Variants in AFAP1 observed in about 807,000 individuals in gnomAD.
AFAP1 encodes actin filament associated protein 1.
A neutral mutation model predicts 93.9 loss-of-function variants in AFAP1; 75 were observed. The observed-to-expected ratio is 0.80, with a 90% CI of 0.66 to 0.97. The LOEUF (loss-of-function observed/expected upper bound fraction) is 0.97. Ranked by LOEUF, AFAP1 falls within the 50% of genes least tolerant of loss-of-function variation. AFAP1 has a pLI of 0.00. For synonymous variants in AFAP1, 517 were observed against 430.7 expected (o/e 1.20, Z -2.48); for missense variants, 1,201 against 1,050.8 (o/e 1.14, Z -1.98).
intron 10 of AFAP1, 50 bp downstream of exon 10, chr4:7,800,392 A>C: frequency 1.9e-6 from 3 of 1,585,248 alleles, no homozygotes; most frequent in Non-Finnish European, 2.6e-6. Flanking sequence ...TGAAAGGAAG[A>C]TCACCGCGTG....
chr4:7,786,244 G>T lies in AFAP1; in HGVS notation c.1480C>A (p.Pro494Thr). The T allele has an allele frequency of 6.2e-7, 1 of 1,614,140 alleles. No individual in the cohort carries two copies. The highest frequency in any genetic ancestry group is 1.3e-5 in the African/African-American group (1 of 75,022). The stretch of plus-strand genomic sequence containing the variant: ...TCATAATGAAGTGCCGTCCCGCTGG[G>T]GTGGGCATAGCCGTTGGAGGTGCCC... ...LGGTSNGYAHPSGTALHYDDV... is the reference protein window; with the variant it reads ...LGGTSNGYAHTSGTALHYDDV... The change falls in exon 12 of 18, where the codon CCC (proline) becomes ACC (threonine). Residue 494 changes from proline to threonine, a missense_variant. Transcript: ENST00000420658.
intron 10 of AFAP1, among the ~76,000 whole-genome samples, chr4:7,800,109 AAGCAATGT>A (rs1391100398): frequency 6.6e-6 from 1 of 152,198 alleles, no homozygotes; most frequent in East Asian, 1.9e-4. Context: ...TGCTTTAGAA[AAGCAATGT>A]ACTCTATGGG....
At position 7,774,808 on chromosome 4, in the gene AFAP1, G is replaced by A. The variant is rs1445959640; in HGVS notation, c.1993C>T (p.Leu665=). 6.2e-7 allele frequency: 1 copy of A among 1,614,192 alleles called. No individual in the cohort carries two copies. Among genetic ancestry groups the A allele is most frequent in the South Asian group, 1.1e-5 (1 of 91,086 alleles). ...EEELLKRKEA[L]RNRLAQLRKE... is the part of the protein sequence containing the mutation. ...CGGAGCTGGGCCAGCCTATTCCGCA[G>A]GGCCTCTTTCCTCTTCAGCAGCTCC... The change falls in exon 15 of 18, where the codon CTG becomes TTG. Residue 665 remains leucine (L), a synonymous_variant. Transcript: ENST00000420658.
At position 7,809,771 on chromosome 4, in the gene AFAP1, G is replaced by C. The variant is rs1719849707; in HGVS notation, c.905-8C>G. The stretch of plus-strand genomic sequence containing the variant: ...AACTTTTCTTCCTCTTCACTGTCAA[G>C]AGTAACAACAGCAAAAAAGCATGTT... On this transcript the variant is annotated splice_polypyrimidine_tract_variant and splice_region_variant and intron_variant, in intron 8 of 17. Coordinates refer to ENST00000420658, the MANE Select transcript of AFAP1 (RefSeq NM_001134647.2). 6.2e-7 allele frequency: 1 copy of C among 1,602,538 alleles called. No homozygotes were observed. Among genetic ancestry groups the C allele is most frequent in the African/African-American group, 1.4e-5 (1 of 73,996 alleles).
chr4:7,794,755 G>A (rs1197674700), intron 10 of AFAP1, among the ~76,000 whole-genome samples: 2 of 151,966 alleles, frequency 1.3e-5, no homozygotes, highest in Non-Finnish European at 2.9e-5. Context: ...TGAACTCCCA[G>A]GCTCAAGCGA....
intron 7 of AFAP1, 53 bp from the exon 8 acceptor site, chr4:7,816,152 G>A: frequency 6.8e-7 from 1 of 1,463,132 alleles, no homozygotes; most frequent in Non-Finnish European, 9.4e-7. Context: ...TGGACCCAGT[G>A]ATGTGTGATG....
chr4:7,833,939 C>T (rs986023668), intron 6 of AFAP1, among the ~76,000 whole-genome samples: 1 of 152,008 alleles, frequency 6.6e-6, no homozygotes, highest in African/African-American at 2.4e-5. Flanking sequence ...ATCAGGCAAT[C>T]CCACTACTGG....
At chr4:7,932,134 G>A (rs974472018) in intron 1 of AFAP1, among the ~76,000 whole-genome samples, 1 of 152,104 alleles carries the variant, frequency 6.6e-6, no homozygotes, top group Admixed American at 6.5e-5. Context: ...TTGGATTACA[G>A]GTGTGAGCCA....
chr4:7,884,558 T>C (rs1718036083), intron 1 of AFAP1, among the ~76,000 whole-genome samples: 2 of 152,146 alleles, frequency 1.3e-5, no homozygotes, highest in Non-Finnish European at 2.9e-5. Context: ...AGTCCAGTAA[T>C]AGACCCAAAT....
At chr4:7,838,079 T>C (rs995493809) in intron 6 of AFAP1, among the ~76,000 whole-genome samples, 1 of 152,118 alleles carries the variant, frequency 6.6e-6, no homozygotes, top group African/African-American at 2.4e-5. Flanking sequence ...TGAGAAAGTC[T>C]AACATATATT....
intron 2 of AFAP1, among the ~76,000 whole-genome samples, chr4:7,869,202 A>G (rs1212814852): frequency 1.3e-5 from 2 of 148,726 alleles, no homozygotes; most frequent in African/African-American, 2.5e-5. Context: ...GGAAGGAAGG[A>G]AGGGAGGGAT....
chr4:7,804,909 T>C (rs1719367906), intron 9 of AFAP1, among the ~76,000 whole-genome samples: 1 of 152,194 alleles, frequency 6.6e-6, no homozygotes, highest in Non-Finnish European at 1.5e-5. Flanking sequence ...GTCAGGAAAC[T>C]GCTGGCAGCT....
At position 7,826,427 on chromosome 4, in the gene AFAP1, T is replaced by C. The variant is rs547410204; in HGVS notation, c.727-7256A>G. Among the ~76,000 whole-genome samples, 39 of 151,896 alleles carry C rather than the reference T, an allele frequency of 2.6e-4. No individual in the cohort carries two copies. In the East Asian group the frequency reaches 5.2e-3, roughly 20 times the overall value. ...CAGGAGGCCCAGGCTTCCCAGAGCATCCACAGCTGGAGACAGAGCACAGCA... is the reference window on the plus strand; with the variant it reads ...CAGGAGGCCCAGGCTTCCCAGAGCACCCACAGCTGGAGACAGAGCACAGCA... On this transcript the variant is annotated intron_variant, in intron 6 of 17. Coordinates refer to ENST00000420658, the MANE Select transcript of AFAP1 (RefSeq NM_001134647.2).
At chr4:7,854,627 C>CCGGAGACCACACAGA (rs1714838942) in intron 4 of AFAP1, among the ~76,000 whole-genome samples, 1 of 152,040 alleles carries the variant, frequency 6.6e-6, no homozygotes, top group African/African-American at 2.4e-5. Context: ...TAGGAGACAG[C>CCGGAGACCACACAGA]GAAGGCCGGA....
chr4:7,858,470 T>G (rs1577304358), intron 3 of AFAP1, among the ~76,000 whole-genome samples: 1 of 152,082 alleles, frequency 6.6e-6, no homozygotes, highest in South Asian at 2.1e-4. Context: ...CTTGTTAAAG[T>G]CAAACAGGAG....
At chr4:7,782,200 C>G (rs1716843985) in intron 12 of AFAP1, among the ~76,000 whole-genome samples, 1 of 152,244 alleles carries the variant, frequency 6.6e-6, no homozygotes, top group Admixed American at 6.5e-5. Context: ...GAAGCAGAGA[C>G]AGGGCCTGGA....
chr4:7,810,279 A>G (rs1217643277), intron 8 of AFAP1, among the ~76,000 whole-genome samples: 1 of 152,216 alleles, frequency 6.6e-6, no homozygotes, highest in Non-Finnish European at 1.5e-5. Flanking sequence ...GACCACATGG[A>G]GATCTAAGAT....
chr4:7,867,123 TAGGGGAGCGGA>T (rs1716506587), intron 3 of AFAP1, among the ~76,000 whole-genome samples: 1 of 60,370 alleles, frequency 1.7e-5, no homozygotes, highest in Non-Finnish European at 2.9e-5. Flanking sequence ...GAGGGGAGGG[TAGGGGAGCGGA>T]GGGGAGGGGA....
intron 1 of AFAP1, among the ~76,000 whole-genome samples, chr4:7,872,952 A>C (rs1360477350): frequency 6.7e-6 from 1 of 149,938 alleles, no homozygotes. Flanking sequence ...AAAAAAAAAA[A>C]AAAAAAAACT....
Sources: gnomAD v4.1 joint callset for allele counts (sites outside exome capture counted in the v4.1 genomes callset) on GRCh38, gnomAD v4.1.1 for gene constraint, MANE v1.5 for transcripts, NCBI Gene and HGNC (gene_info 2026-07-23, HGNC 2026-07-21) for gene names.